POGLUT3: variants seen among roughly 807,000 people sequenced by gnomAD.
POGLUT3 encodes the protein protein O-glucosyltransferase 3.
In POGLUT3, 48 loss-of-function variants were observed where a neutral mutation model predicts 54.3. The ratio of observed to expected loss-of-function variants is 0.88; its 90% CI spans 0.70 to 1.12. POGLUT3 has a LOEUF of 1.12. POGLUT3 is among the 50% of genes most tolerant of loss of function. POGLUT3 has a pLI of 0.00. For synonymous variants in POGLUT3, 218 were observed against 237.4 expected (o/e 0.92, Z 0.75); for missense variants, 629 against 618.7 (o/e 1.02, Z -0.18).
At chr11:108,478,972 T>G (rs2093587406) in intron 6 of POGLUT3, among the ~76,000 whole-genome samples, 1 of 152,258 alleles carries the variant, frequency 6.6e-6, no homozygotes. Flanking sequence ...AAATATTTTC[T>G]TGTTCATAAA....
chr11:108,476,923 C>G (rs2093583020), intron 7 of POGLUT3, among the ~76,000 whole-genome samples: 1 of 152,132 alleles, frequency 6.6e-6, no homozygotes, highest in African/African-American at 2.4e-5. Context: ...TTAATGATCT[C>G]CAGTCCAACC....
intron 3 of POGLUT3, among the ~76,000 whole-genome samples, chr11:108,484,531 C>T (rs187843057): frequency 5.9e-4 from 90 of 152,194 alleles, no homozygotes; most frequent in African/African-American, 2.1e-3. Flanking sequence ...GAGGCCAAGG[C>T]GGGCAGATTA....
chr11:108,486,654 C>A, intron 2 of POGLUT3: 1 of 517,204 alleles, frequency 1.9e-6, no homozygotes, highest in South Asian at 3.5e-5. Context: ...ATGCCCTCTC[C>A]CAATCTAACC....
At chr11:108,479,556 C>T (rs1367038491) in intron 5 of POGLUT3, 61 bp from the exon 6 acceptor site, 5 of 1,236,810 alleles carry the variant, frequency 4.0e-6, no homozygotes, top group Non-Finnish European at 5.6e-6. Flanking sequence ...ACTTCTGCTC[C>T]TCATCAACAC....
rs1343501624 is a variant in POGLUT3 at position 108,474,791 on chromosome 11, T to C, written c.*36A>G. On this transcript the variant is annotated 3_prime_UTR_variant, in exon 8 of 8. Transcript: ENST00000323468. ...TTAGATTCAATCTTTCCTTAAAGTG[T>C]AGCCGGGATACACAGGAGTGTGATT... 8 of 1,605,708 alleles carry C rather than the reference T, an allele frequency of 5.0e-6. No homozygotes were observed. In the African/African-American group the frequency reaches 5.4e-5, roughly 11 times the overall value.
chr11:108,496,829 C>G (rs925596138), intron 1 of POGLUT3, among the ~76,000 whole-genome samples: 1 of 152,202 alleles, frequency 6.6e-6, no homozygotes, highest in African/African-American at 2.4e-5. Context: ...GCTTGGCATT[C>G]AAGGCGCTTG....
intron 2 of POGLUT3, among the ~76,000 whole-genome samples, chr11:108,489,834 T>C (rs2093609960): frequency 6.6e-6 from 1 of 152,232 alleles, no homozygotes. Context: ...CAGTCCTAGC[T>C]ACTTGAGAGG....
At chr11:108,481,651 G>A (rs2093592853) in intron 4 of POGLUT3, among the ~76,000 whole-genome samples, 1 of 152,166 alleles carries the variant, frequency 6.6e-6, no homozygotes, top group African/African-American at 2.4e-5. Context: ...GCTAGTGAAA[G>A]CTCACGCAAG....
intron 7 of POGLUT3, among the ~76,000 whole-genome samples, chr11:108,475,382 A>G (rs2135842245): frequency 6.7e-6 from 1 of 149,986 alleles, no homozygotes; most frequent in Middle Eastern, 3.6e-3. Flanking sequence ...AGTCACACGC[A>G]TTTTTGAATG....
rs1322335853 is a variant in POGLUT3, at chr11:108,474,935, C to G, written c.1416G>C (p.Gln472His). The change falls in exon 8 of 8, where the codon CAG becomes CAC. Residue 472 changes from glutamine to histidine, a missense_variant. Coordinates refer to ENST00000323468, the MANE Select transcript of POGLUT3 (RefSeq NM_153705.5). ...CATCACGTACTTCGGGTTTGCTGGA[C>G]TGGCGCTCGGCATATTTCTGAAACG... is the stretch of plus-strand genomic sequence containing the variant. ...YQVLQKYAER[Q>H]SSKPEVRDGM... 2.5e-6 allele frequency: 4 copies of G among 1,613,938 alleles called. No homozygotes were observed. In the African/African-American group the frequency reaches 5.3e-5, roughly 22 times the overall value.
At chr11:108,480,810 A>T (rs901278675) in intron 5 of POGLUT3, among the ~76,000 whole-genome samples, 3 of 152,132 alleles carry the variant, frequency 2.0e-5, no homozygotes, top group African/African-American at 4.8e-5. Flanking sequence ...ACATATATGG[A>T]ATTTATGCTT....
In POGLUT3 at chr11:108,491,000, G is replaced by C; in HGVS notation, c.370C>G (p.His124Asp). The C allele has an allele frequency of 1.2e-6, 2 of 1,613,930 alleles. No homozygotes were observed. Among genetic ancestry groups the C allele is most frequent in the Non-Finnish European group, 1.7e-6 (2 of 1,179,858 alleles). Residue 124 changes from histidine to aspartate, a missense_variant, in exon 2 of 8, where the codon CAT becomes GAT. Transcript: ENST00000323468. ...LKIEVLYGDE[H>D]VAQSPYILKG... ...AAAATATAGGGAGACTGAGCCACAT[G>C]TTCATCACCATAAAGGACCTCTATC...
rs1268622363 is a variant in POGLUT3 at position 108,485,153 on chromosome 11, AAAC to A, written c.684+1001_684+1003del. Among the ~76,000 whole-genome samples the A allele has an allele frequency of 2.6e-5, 4 of 152,182 alleles. No individual in the cohort carries two copies. The East Asian group carries it at 7.7e-4, about 29-fold the overall frequency. ...TTTTAGTATGCACTGGTGAAAAAAA[AAAC>A]AACCTGTTTCTGGTAGCCCAAGCTT... On this transcript the variant is annotated intron_variant, in intron 3 of 7. Coordinates refer to ENST00000323468, the MANE Select transcript of POGLUT3 (RefSeq NM_153705.5).
At chr11:108,495,601 C>T (rs1244851414) in intron 1 of POGLUT3, among the ~76,000 whole-genome samples, 1 of 152,048 alleles carries the variant, frequency 6.6e-6, no homozygotes, top group Non-Finnish European at 1.5e-5. Context: ...AATCAAGAGG[C>T]CTGAAAGGAA....
intron 6 of POGLUT3, among the ~76,000 whole-genome samples, chr11:108,478,548 C>A (rs770923571): frequency 3.3e-5 from 5 of 152,198 alleles, no homozygotes; most frequent in Admixed American, 6.5e-5. Context: ...GCTTTTGTAA[C>A]CGAAAAATTC....
intron 4 of POGLUT3, 27 bp from the exon 5 acceptor site, chr11:108,481,403 T>A: frequency 1.3e-6 from 2 of 1,524,652 alleles, no homozygotes; most frequent in Non-Finnish European, 1.8e-6. Flanking sequence ...ATAAAAAAAT[T>A]AGGATTATGA....
At position 108,477,690 on chromosome 11, in the gene POGLUT3, T is replaced by C. The variant is rs774634537; in HGVS notation, c.1315A>G (p.Lys439Glu). 16 of 1,611,428 alleles carry C rather than the reference T, an allele frequency of 9.9e-6. No individual in the cohort carries two copies. The African/African-American group carries it at 1.6e-4, about 16-fold the overall frequency. The change falls in exon 7 of 8, where the codon AAG becomes GAG. Residue 439 changes from lysine to glutamate, a missense_variant. Transcript: ENST00000323468. The part of the protein sequence containing the change: ...WAKENDEEAK[K>E]IAKEGQLMAR... ...ATCAACTGTCCTTCTTTTGCAATCT[T>C]CTTGGCTTCTTCATCATTTTCCTGA...
At chr11:108,491,368 T>G (rs2135862944) in intron 1 of POGLUT3, 1 of 605,196 alleles carries the variant, frequency 1.7e-6, no homozygotes, top group African/African-American at 1.9e-5. Context: ...TTTTTTTTCT[T>G]TTTTGAGACA....
intron 2 of POGLUT3, among the ~76,000 whole-genome samples, chr11:108,490,068 G>A (rs1314097744): frequency 1.3e-5 from 2 of 151,984 alleles, no homozygotes; most frequent in South Asian, 2.1e-4. Flanking sequence ...TTGTAGAGAT[G>A]GGTTTTTGCC....
Sources: gnomAD v4.1 joint callset for allele counts (sites outside exome capture counted in the v4.1 genomes callset) on GRCh38, gnomAD v4.1.1 for gene constraint, MANE v1.5 for transcripts, NCBI Gene and HGNC (gene_info 2026-07-23, HGNC 2026-07-21) for gene names.